The following ZNF675 variants were observed in gnomAD, a reference collection of about 807,000 sequenced individuals.
ZNF675 encodes TRAF6 inhibitory zinc finger.
ZNF675 carries 36 observed loss-of-function variants against 56.1 expected under a neutral mutation model. The observed-to-expected ratio is 0.64, with a 90% CI of 0.49 to 0.85. ZNF675 has a LOEUF of 0.85. ZNF675 is among the 40% of genes least tolerant of loss of function. ZNF675 has a pLI of 0.00. For synonymous variants in ZNF675, 200 were observed against 218.9 expected (o/e 0.91, Z 0.76); for missense variants, 663 against 654.2 (o/e 1.01, Z -0.15).
intron 1 of ZNF675, among the ~76,000 whole-genome samples, chr19:23,683,416 T>G (rs1196752248): frequency 1.3e-5 from 2 of 152,014 alleles, no homozygotes; most frequent in African/African-American, 4.8e-5. Flanking sequence ...GGAAAGGTAT[T>G]TAATTTTTAC....
rs1420541841 is a variant in ZNF675, at chr19:23,661,803, G to GT, written c.226+310dup. On this transcript the variant is annotated intron_variant, in intron 3 of 3. Coordinates refer to ENST00000359788, the MANE Select transcript of ZNF675 (RefSeq NM_138330.3). ...TTAACAGTTTCTCAAAATTATGTAGGTATTTCTGTGCCTCCAAAAAAAATG... is the reference window on the plus strand; with the variant it reads ...TTAACAGTTTCTCAAAATTATGTAGGTTATTTCTGTGCCTCCAAAAAAAATG... The GT allele has an allele frequency of 3.4e-5, 7 of 207,970 alleles. No homozygotes were observed. In the East Asian group the frequency reaches 8.0e-4, roughly 24 times the overall value. 12.9% of individuals were successfully genotyped at this position (207,970 alleles called of 1,614,324 possible). A position where few individuals can be genotyped will look rare whatever the true frequency, so the allele number is the denominator to read the frequency against.
intron 1 of ZNF675, among the ~76,000 whole-genome samples, chr19:23,673,261 G>A: frequency 6.6e-6 from 1 of 152,188 alleles, no homozygotes; most frequent in East Asian, 1.9e-4. Context: ...GAGCATTTCA[G>A]TAACAGGAGG....
intron 3 of ZNF675, chr19:23,658,370 A>T (rs1968015839): frequency 3.2e-3 from 2 of 616 alleles, no homozygotes; most frequent in Non-Finnish European, 9.3e-3. Flanking sequence ...TCAAAATTAA[A>T]AAAAAAAAAA....
At chr19:23,682,536 C>T (rs762738509) in intron 1 of ZNF675, among the ~76,000 whole-genome samples, 5 of 151,758 alleles carry the variant, frequency 3.3e-5, no homozygotes, top group Admixed American at 6.6e-5. Context: ...CCTGTGCATC[C>T]CCAGCTTCCC....
chr19:23,682,608 A>G (rs553640941), intron 1 of ZNF675, among the ~76,000 whole-genome samples: 1 of 151,696 alleles, frequency 6.6e-6, no homozygotes, highest in Admixed American at 6.6e-5. Context: ...GCAGGCTGAC[A>G]TATCTGCAGA....
At chr19:23,678,516 G>A (rs1041774123) in intron 1 of ZNF675, among the ~76,000 whole-genome samples, 3 of 146,850 alleles carry the variant, frequency 2.0e-5, no homozygotes, top group Non-Finnish European at 4.4e-5. Flanking sequence ...CTCCCAAAGT[G>A]CTGGGATTAC....
intron 3 of ZNF675, chr19:23,656,397 G>A (rs918378484): frequency 2.6e-5 from 4 of 152,014 alleles, no homozygotes; most frequent in Admixed American, 6.6e-5. Flanking sequence ...AGGAGTTTGG[G>A]ACCAGCCTGG....
At chr19:23,656,827 AG>A (rs1967991982) in intron 3 of ZNF675, 2 of 121,764 alleles carry the variant, frequency 1.6e-5, no homozygotes, top group Non-Finnish European at 3.5e-5. Flanking sequence ...CAACGGCTGG[AG>A]AGAGGATAAA....
At chr19:23,683,081 C>A (rs187891605) in intron 1 of ZNF675, among the ~76,000 whole-genome samples, 1 of 150,958 alleles carries the variant, frequency 6.6e-6, no homozygotes. Context: ...CCCAGCTACT[C>A]GGGTGGCTGA....
chr19:23,664,843 T>C (rs1451876899), intron 1 of ZNF675, among the ~76,000 whole-genome samples: 1 of 151,824 alleles, frequency 6.6e-6, no homozygotes, highest in East Asian at 1.9e-4. Context: ...CTCAGCTACT[T>C]GGAAGGCAGA....
At position 23,687,122 on chromosome 19, in the gene ZNF675, G is replaced by T; in HGVS notation, c.-89C>A. ...GCCCACAGAGGCTGGACCTCTAGGA[G>T]CAGAGGACACAGAGCAATGAAAGCG... On this transcript the variant is annotated 5_prime_UTR_variant, in exon 1 of 4. The change creates a premature stop within an existing upstream ORF in the 5' untranslated region. Transcript: ENST00000359788. 6.6e-7 allele frequency: 1 copy of T among 1,526,178 alleles called. No individual in the cohort carries two copies. Among genetic ancestry groups the T allele is most frequent in the Non-Finnish European group, 9.1e-7 (1 of 1,102,374 alleles). The allele number at this position is 1,526,178 out of a possible 1,614,324, so 94.5% of individuals were successfully genotyped here. A position where few individuals can be genotyped will look rare whatever the true frequency, so the allele number is the denominator to read the frequency against.
intron 1 of ZNF675, among the ~76,000 whole-genome samples, chr19:23,683,485 G>A (rs1042448811): frequency 6.6e-6 from 1 of 152,114 alleles, no homozygotes; most frequent in African/African-American, 2.4e-5. Flanking sequence ...GCAGTGGTGC[G>A]ATCTCGGCTC....
chr19:23,677,209 A>G (rs961612478), intron 1 of ZNF675, among the ~76,000 whole-genome samples: 1 of 151,838 alleles, frequency 6.6e-6, no homozygotes, highest in African/African-American at 2.4e-5. Flanking sequence ...CCGAAACAAT[A>G]AAAGCACCCA....
intron 1 of ZNF675, among the ~76,000 whole-genome samples, chr19:23,680,096 C>G (rs1968357264): frequency 6.6e-6 from 1 of 150,846 alleles, no homozygotes; most frequent in Admixed American, 6.6e-5. Flanking sequence ...ATCACGAGGT[C>G]AAGAGATCGA....
chr19:23,660,932 CTTTT>C (rs56888844), intron 3 of ZNF675, among the ~76,000 whole-genome samples: 10 of 119,768 alleles, frequency 8.3e-5, no homozygotes, highest in Non-Finnish European at 1.3e-4. Context: ...TTGTAATTTT[CTTTT>C]TTTTTTTTTT....
rs182146069 is a variant in ZNF675, at chr19:23,656,238, G to A, written c.227-1532C>T. The A allele has an allele frequency of 5.3e-5, 8 of 152,136 alleles. No homozygotes were observed. In the East Asian group the frequency reaches 1.5e-3, roughly 29 times the overall value. The allele number at this position is 152,136 out of a possible 1,614,324, so 9.4% of individuals were successfully genotyped here. A position where few individuals can be genotyped will look rare whatever the true frequency, so the allele number is the denominator to read the frequency against. On this transcript the variant is annotated intron_variant, in intron 3 of 3. Coordinates refer to ENST00000359788, the MANE Select transcript of ZNF675 (RefSeq NM_138330.3). ...GTGTTCAACATATTCTTGGCTCAAGGGCCAAAACACTTAATTTTTCAAAAA... is the reference window on the plus strand; with the variant it reads ...GTGTTCAACATATTCTTGGCTCAAGAGCCAAAACACTTAATTTTTCAAAAA...
chr19:23,658,760 C>G (rs963715436), intron 3 of ZNF675: 1 of 8,224 alleles, frequency 1.2e-4, no homozygotes, highest in African/African-American at 3.1e-4. Flanking sequence ...ACTTTAGAAG[C>G]AAAAAAATAG....
At chr19:23,663,754 G>A (rs983401434) in intron 1 of ZNF675, among the ~76,000 whole-genome samples, 8 of 152,242 alleles carry the variant, frequency 5.3e-5, no homozygotes, top group South Asian at 4.1e-4. Flanking sequence ...ACACAAACAC[G>A]TAGCTTTTTG....
chr19:23,686,776 G>T lies in ZNF675; in HGVS notation c.3+255C>A, dbSNP rs191264622. ...AATCTGAGAGAAATGCGGCGCTGCG[G>T]GTACAGAGCTGCCCAGAGAGGGCTA... On this transcript the variant is annotated intron_variant, in intron 1 of 3. Transcript: ENST00000359788. Among the ~76,000 whole-genome samples the T allele has an allele frequency of 4.3e-3, 654 of 152,300 alleles. 6 individuals are homozygous for T. Among genetic ancestry groups the T allele is most frequent in the Middle Eastern group, 6.8e-3 (2 of 294 alleles).
Sources: allele counts gnomAD v4.1 joint callset (sites outside exome capture counted in the v4.1 genomes callset), GRCh38; gene constraint gnomAD v4.1.1; transcripts MANE v1.5; gene names NCBI Gene and HGNC (gene_info 2026-07-23, HGNC 2026-07-21).